The following SPATA7 variants were observed in gnomAD, a reference collection of about 807,000 sequenced individuals.
The protein encoded by SPATA7 is spermatogenesis-associated protein 7.
Under a neutral mutation model 51.8 loss-of-function variants are expected in SPATA7, and 43 were observed. The observed-to-expected ratio is 0.83, with a 90% CI of 0.65 to 1.07. The LOEUF (loss-of-function observed/expected upper bound fraction) is 1.07. Among genes scored for constraint, SPATA7 ranks in the 50% least tolerant of loss-of-function variants. The probability of loss-of-function intolerance (pLI) is 0.00; values close to 1 mark genes in which losing one functional copy is unlikely to be tolerated. For synonymous variants in SPATA7, 230 were observed against 252.8 expected (o/e 0.91, Z 0.86); for missense variants, 683 against 701.3 (o/e 0.97, Z 0.30).
intron 7 of SPATA7, 91 bp downstream of exon 7, chr14:88,427,787 G>T: frequency 1.0e-6 from 1 of 959,942 alleles, no homozygotes; most frequent in East Asian, 2.6e-5. Context: ...AGACTGTGAA[G>T]AATAATCTGT....
Position 88,469,196 on chromosome 14 carries a change from A to C in SPATA7, c.255-651A>C. ...CTGCAGATAAAGAGCACTGGGTGCC[A>C]GTGAACCAAACCCAACCACAAAGGG... On this transcript the variant is annotated intron_variant, in intron 4 of 4. Coordinates refer to the SPATA7 transcript ENST00000556406. This position sits in a 1 kb window ranked among gnomAD's most constrained non-coding sequence, Gnocchi z 4.3. The C allele has an allele frequency of 8.6e-7, 1 of 1,158,024 alleles. No homozygotes were observed. The highest frequency in any genetic ancestry group is 1.2e-6 in the Non-Finnish European group (1 of 832,196). 71.7% of individuals were successfully genotyped at this position (1,158,024 alleles called of 1,614,324 possible).
intron 4 of SPATA7, among the ~76,000 whole-genome samples, chr14:88,464,649 G>C (rs1013319016): frequency 6.6e-6 from 1 of 152,100 alleles, no homozygotes; most frequent in South Asian, 2.1e-4. Flanking sequence ...AGAATTGCTT[G>C]AACCCAGAAG....
rs576384330 is a variant in SPATA7 at position 88,434,549 on chromosome 14, G to A, written c.1160+1337G>A. On this transcript the variant is annotated intron_variant, in intron 10 of 11. Coordinates refer to ENST00000393545, the MANE Select transcript of SPATA7 (RefSeq NM_018418.5). ...AAAATACAAAAATTAGCTGGGCGTGGTGGTGCGCGCCTGTAGTCCCAGCTA... is the reference window on the plus strand; with the variant it reads ...AAAATACAAAAATTAGCTGGGCGTGATGGTGCGCGCCTGTAGTCCCAGCTA... 2.1e-4 allele frequency among the ~76,000 whole-genome samples: 32 copies of A among 152,100 alleles called. No homozygotes were observed. In the South Asian group the frequency reaches 4.1e-3, roughly 20 times the overall value.
chr14:88,407,551 G>T (rs887167663), intron 4 of SPATA7, among the ~76,000 whole-genome samples: 2 of 152,142 alleles, frequency 1.3e-5, no homozygotes, highest in African/African-American at 4.8e-5. Flanking sequence ...CTCCCATTTT[G>T]TGGGTTGTTT....
intron 5 of SPATA7, among the ~76,000 whole-genome samples, chr14:88,421,824 C>T (rs1187527755): frequency 6.6e-6 from 1 of 151,844 alleles, no homozygotes; most frequent in Admixed American, 6.6e-5. Context: ...TGGCATGCAC[C>T]TGTACTCCTA....
chr14:88,402,036 A>G (rs1265821525), intron 4 of SPATA7, among the ~76,000 whole-genome samples: 2 of 152,146 alleles, frequency 1.3e-5, no homozygotes, highest in Non-Finnish European at 2.9e-5. Context: ...TAAGAAAACA[A>G]TGCCATTTGC....
At chr14:88,445,366 C>T (rs2077204385) in intron 3 of SPATA7, among the ~76,000 whole-genome samples, 5 of 151,952 alleles carry the variant, frequency 3.3e-5, no homozygotes, top group Admixed American at 2.0e-4. Context: ...AGTTGCTTAT[C>T]AGCTTAAGGA....
rs776145921 is a variant in SPATA7 at position 88,469,487 on chromosome 14, A to T, written c.255-360A>T. 1 of 1,594,284 alleles carries T rather than the reference A, an allele frequency of 6.3e-7. No individual in the cohort carries two copies. The highest frequency in any genetic ancestry group is 8.6e-7 in the Non-Finnish European group (1 of 1,162,144). ...AGGCAGCTGTCCTCGGAACAAAGTT[A>T]AAGTCACTCACATAAAAATCCCTTG... On this transcript the variant is annotated intron_variant, in intron 4 of 4. Transcript: ENST00000556406. This position sits in a 1 kb window ranked among gnomAD's most constrained non-coding sequence, Gnocchi z 4.3.
chr14:88,420,326 C>A (rs2076606649), intron 5 of SPATA7, among the ~76,000 whole-genome samples: 1 of 152,204 alleles, frequency 6.6e-6, no homozygotes, highest in Non-Finnish European at 1.5e-5. Context: ...ATAACATAAT[C>A]TTATCAATTT....
At chr14:88,420,228 G>C (rs1263330236) in intron 5 of SPATA7, among the ~76,000 whole-genome samples, 1 of 152,084 alleles carries the variant, frequency 6.6e-6, no homozygotes. Flanking sequence ...GCCTGCAAGA[G>C]GTACAAACTC....
downstream of SPATA7, among the ~76,000 whole-genome samples, chr14:88,440,716 G>A (rs886524938): frequency 3.9e-5 from 6 of 152,124 alleles, no homozygotes; most frequent in Non-Finnish European, 5.9e-5. Flanking sequence ...CTGAGCCTGT[G>A]TGTGTTTTCT....
intron 3 of SPATA7, among the ~76,000 whole-genome samples, chr14:88,395,793 C>T (rs2075863258): frequency 6.6e-6 from 1 of 152,042 alleles, no homozygotes; most frequent in South Asian, 2.1e-4. Flanking sequence ...ATCTTTAAGC[C>T]CCATGCCACA....
Position 88,396,136 on chromosome 14 carries a change from C to T in SPATA7, c.191-20C>T. 1 of 1,592,388 alleles carries T rather than the reference C, an allele frequency of 6.3e-7. No homozygotes were observed. Among genetic ancestry groups the T allele is most frequent in the Non-Finnish European group, 8.6e-7 (1 of 1,161,492 alleles). ...TATAAATACTGACAATATTATTAAA[C>T]TATTACCTTTCTCTTTCAGCTGCAG... is the stretch of plus-strand genomic sequence containing the variant. On this transcript the variant is annotated intron_variant, in intron 3 of 11. Coordinates refer to ENST00000393545, the MANE Select transcript of SPATA7 (RefSeq NM_018418.5).
chr14:88,462,310 A>G (rs568641865), intron 4 of SPATA7, among the ~76,000 whole-genome samples: 1 of 152,340 alleles, frequency 6.6e-6, no homozygotes, highest in African/African-American at 2.4e-5. Context: ...GCTGATGAGC[A>G]GACAGAAATG....
chr14:88,396,875 CTT>C (rs59603961), intron 4 of SPATA7, among the ~76,000 whole-genome samples: 3 of 138,522 alleles, frequency 2.2e-5, no homozygotes, highest in Non-Finnish European at 3.1e-5. Flanking sequence ...TTTCTTTTTT[CTT>C]TTTTTTTTTT....
intron 5 of SPATA7, among the ~76,000 whole-genome samples, chr14:88,421,530 C>T (rs1459415051): frequency 3.9e-5 from 6 of 152,168 alleles, no homozygotes; most frequent in Admixed American, 2.6e-4. Context: ...ACTGACACTA[C>T]ACAGACTACA....
intron 5 of SPATA7, among the ~76,000 whole-genome samples, chr14:88,417,067 T>C (rs1209806778): frequency 2.0e-5 from 3 of 152,168 alleles, no homozygotes; most frequent in African/African-American, 7.2e-5. Context: ...CGTGTTCTGC[T>C]GAAACTTTAT....
chr14:88,395,146 A>G (rs1040762091), intron 3 of SPATA7, among the ~76,000 whole-genome samples: 1 of 152,102 alleles, frequency 6.6e-6, no homozygotes, highest in Admixed American at 6.6e-5. Context: ...GAGTTACCAT[A>G]TACCCTGTAC....
chr14:88,438,266 A>C lies in SPATA7; in HGVS notation c.1644A>C (p.Glu548Asp). The C allele has an allele frequency of 6.2e-7, 1 of 1,614,112 alleles. No individual in the cohort carries two copies. Among genetic ancestry groups the C allele is most frequent in the Non-Finnish European group, 8.5e-7 (1 of 1,179,998 alleles). Residue 548 changes from glutamate (E) to aspartate (D), a missense_variant, in exon 12 of 12, where the codon GAA becomes GAC. Physicochemically the swap from Glu to Asp is conservative, Grantham distance 45. Coordinates refer to ENST00000393545, the MANE Select transcript of SPATA7 (RefSeq NM_018418.5). Reference sequence around the variant, plus strand: ...TCATTGAAGGTGATAGTGACCCTGAAAAGGTTGAGATTTCAAATGGATTAT... The same window carrying C: ...TCATTGAAGGTGATAGTGACCCTGACAAGGTTGAGATTTCAAATGGATTAT... ...VNVIEGDSDP[E>D]KVEISNGLCG...
Sources: gnomAD v4.1 joint callset for allele counts (sites outside exome capture counted in the v4.1 genomes callset) on GRCh38, gnomAD v4.1.1 for gene constraint, Gnocchi (gnomAD v3.1) non-coding constraint, MANE v1.5 for transcripts, NCBI Gene and HGNC (gene_info 2026-07-23, HGNC 2026-07-21) for gene names.